Variants in NNT observed in about 807,000 individuals in gnomAD.
NNT encodes the protein NAD(P) transhydrogenase, mitochondrial.
NNT carries 50 observed loss-of-function variants against 104.8 expected under a neutral mutation model. The ratio of observed to expected loss-of-function variants is 0.48; its 90% CI spans 0.38 to 0.60. The LOEUF is 0.60. NNT is among the 20% of genes least tolerant of loss of function. The pLI, the probability that NNT is intolerant of heterozygous loss-of-function variation, is 0.00. For synonymous variants in NNT, 461 were observed against 490.4 expected, an observed-to-expected ratio of 0.94 and a Z score of 0.79; for missense variants, 1,131 against 1,330.7, an observed-to-expected ratio of 0.85 and a Z score of 2.33.
intron 3 of NNT, among the ~76,000 whole-genome samples, chr5:43,613,942 T>C (rs1561263184): frequency 6.6e-6 from 1 of 152,192 alleles, no homozygotes; most frequent in Non-Finnish European, 1.5e-5. Context: ...ATCCTAACAC[T>C]TGACAGGTGG....
At chr5:43,675,139 A>C (rs1179327785) in intron 17 of NNT, among the ~76,000 whole-genome samples, 2 of 152,210 alleles carry the variant, frequency 1.3e-5, no homozygotes, top group African/African-American at 4.8e-5. Flanking sequence ...TGAAGATGGA[A>C]TCTGTAGCAG....
chr5:43,609,770 G>T (rs758790996), intron 2 of NNT, among the ~76,000 whole-genome samples: 1 of 152,182 alleles, frequency 6.6e-6, no homozygotes, highest in African/African-American at 2.4e-5. Flanking sequence ...CAATTTGATT[G>T]CAGTTGCTCA....
At position 43,650,114 on chromosome 5, in the gene NNT, C is replaced by G. The variant is rs1268620722; in HGVS notation, c.1607-363C>G. On this transcript the variant is annotated intron_variant, in intron 11 of 21. Coordinates refer to ENST00000344920, the MANE Select transcript of NNT (RefSeq NM_182977.3). ...TTCCAGTTTACATGCAAATTATCTA[C>G]CAGGGTCACTTTTTAACCATAAGCA... is the stretch of plus-strand genomic sequence containing the variant. Among the ~76,000 whole-genome samples the G allele has an allele frequency of 2.6e-5, 4 of 152,190 alleles. No individual in the cohort carries two copies. In the South Asian group the frequency reaches 6.2e-4, roughly 24 times the overall value.
intron 19 of NNT, among the ~76,000 whole-genome samples, chr5:43,685,712 G>A (rs1741952356): frequency 6.6e-6 from 1 of 152,080 alleles, no homozygotes; most frequent in Admixed American, 6.5e-5. Context: ...TAGTTTATTT[G>A]AACAGTTGTG....
intron 19 of NNT, among the ~76,000 whole-genome samples, chr5:43,696,411 C>T (rs1296586913): frequency 1.3e-5 from 2 of 152,162 alleles, no homozygotes; most frequent in Non-Finnish European, 2.9e-5. Context: ...TTACAGGGTA[C>T]AGCCTCCCTC....
At chr5:43,676,048 T>C (rs577302134) in intron 18 of NNT, among the ~76,000 whole-genome samples, 15 of 152,212 alleles carry the variant, frequency 9.9e-5, no homozygotes, top group Non-Finnish European at 2.1e-4. Flanking sequence ...TAATAAATGT[T>C]GTTTTTTCAA....
rs1429448618 is a variant in NNT, at chr5:43,644,638, C to G, written c.1126C>G (p.Leu376Val). ...KGITHIGYTD[L>V]PSRMATQAST... is the part of the protein sequence containing the mutation. ...AATTACTCACATAGGCTACACAGAC[C>G]TGCCCAGCCGAATGGCCACTCAGGC... The change falls in exon 9 of 22, where the codon CTG becomes GTG. Residue 376 changes from leucine (L) to valine (V), a missense_variant. Coordinates refer to ENST00000344920, the MANE Select transcript of NNT (RefSeq NM_182977.3). 5 of 1,613,826 alleles carry G rather than the reference C, an allele frequency of 3.1e-6. No homozygotes were observed. Among genetic ancestry groups the G allele is most frequent in the Non-Finnish European group, 3.4e-6 (4 of 1,179,938 alleles).
At chr5:43,677,903 G>A (rs573990996) in intron 19 of NNT, 97 bp downstream of exon 19, 35 of 916,160 alleles carry the variant, frequency 3.8e-5, no homozygotes, top group Admixed American at 2.8e-4. Flanking sequence ...AGGGGTTAGG[G>A]CACTGACCCG....
intron 14 of NNT, chr5:43,653,449 G>T (rs1739871269): frequency 2.3e-6 from 1 of 436,362 alleles, no homozygotes; most frequent in African/African-American, 2.0e-5. Context: ...TTCCTTTACT[G>T]ACTGTGTCCC....
chr5:43,616,163 T>C, intron 4 of NNT, 98 bp downstream of exon 4: 1 of 1,024,268 alleles, frequency 9.8e-7, no homozygotes, highest in Non-Finnish European at 1.4e-6. Flanking sequence ...TATTTGTAAT[T>C]ATTGTTGGAG....
intron 5 of NNT, among the ~76,000 whole-genome samples, chr5:43,621,495 G>T (rs1287235082): frequency 6.6e-6 from 1 of 152,076 alleles, no homozygotes; most frequent in Non-Finnish European, 1.5e-5. Flanking sequence ...TCCAGTGGGG[G>T]TCATAGTGAG....
intron 17 of NNT, among the ~76,000 whole-genome samples, chr5:43,669,902 A>C (rs1311587876): frequency 6.6e-6 from 1 of 152,048 alleles, no homozygotes; most frequent in African/African-American, 2.4e-5. Context: ...CTGTGAATCC[A>C]TCTGGTCCTG....
chr5:43,612,302 A>G (rs561977728), intron 2 of NNT, among the ~76,000 whole-genome samples: 1 of 152,316 alleles, frequency 6.6e-6, no homozygotes, highest in South Asian at 2.1e-4. Flanking sequence ...TCATCTTATA[A>G]GGTGCAGCTG....
intron 19 of NNT, among the ~76,000 whole-genome samples, chr5:43,690,542 G>A (rs188894923): frequency 3.9e-5 from 6 of 152,296 alleles, no homozygotes; most frequent in Admixed American, 2.0e-4. Context: ...CCTCAAAAGA[G>A]CACACATGAT....
chr5:43,609,123 C>CCTATTTT lies in NNT; in HGVS notation c.-53-17_-53-11dup. 1 of 1,209,854 alleles carries CCTATTTT rather than the reference C, an allele frequency of 8.3e-7. No individual in the cohort carries two copies. Among genetic ancestry groups the CCTATTTT allele is most frequent in the Non-Finnish European group, 1.2e-6 (1 of 845,504 alleles). 74.9% of individuals were successfully genotyped at this position (1,209,854 alleles called of 1,614,324 possible). ...AGTTTTTTTCTTGGCATATATACAT[C>CCTATTTT]CTATTTTCTTTTTTCTTAGTGATTT... On this transcript the variant is annotated intron_variant, in intron 1 of 21. Transcript: ENST00000344920.
At chr5:43,619,682 C>T (rs187730502) in intron 5 of NNT, among the ~76,000 whole-genome samples, 4 of 152,290 alleles carry the variant, frequency 2.6e-5, no homozygotes, top group Non-Finnish European at 4.4e-5. Flanking sequence ...TGTGATCCTT[C>T]AATCCTATGT....
chr5:43,682,442 C>T (rs914398543), intron 19 of NNT, among the ~76,000 whole-genome samples: 1 of 152,244 alleles, frequency 6.6e-6, no homozygotes, highest in Admixed American at 6.5e-5. Context: ...AACTCCTGAC[C>T]TCAGGTGATC....
At chr5:43,679,412 C>A (rs985605107) in intron 19 of NNT, among the ~76,000 whole-genome samples, 1 of 152,124 alleles carries the variant, frequency 6.6e-6, no homozygotes, top group Non-Finnish European at 1.5e-5. Context: ...ATTTGGCATA[C>A]CTCTCTTGTT....
chr5:43,628,313 T>C lies in NNT; in HGVS notation c.890T>C (p.Ile297Thr), dbSNP rs748249051. The part of the protein sequence containing the change: ...GYAKEMSKEF[I>T]EAEMKLFAQQ... ...GCAAAAGAGATGTCCAAAGAGTTCA[T>C]TGAAGCTGAAATGAAACTCTTTGCT... Residue 297 changes from isoleucine to threonine, a missense_variant, in exon 7 of 22, where the codon ATT (isoleucine) becomes ACT (threonine). Physicochemically the swap from Ile to Thr is moderately conservative, Grantham distance 89 (BLOSUM62 -1). Transcript: ENST00000344920. 2.1e-5 allele frequency: 34 copies of C among 1,613,876 alleles called. 1 individual carries two copies. Among genetic ancestry groups the C allele is most frequent in the Middle Eastern group, 1.6e-4 (1 of 6,082 alleles).
Sources: allele counts gnomAD v4.1 joint callset (sites outside exome capture counted in the v4.1 genomes callset), GRCh38; gene constraint gnomAD v4.1.1; transcripts MANE v1.5; gene names NCBI Gene and HGNC (gene_info 2026-07-23, HGNC 2026-07-21).